The following ZNF536 variants were observed in gnomAD, a reference collection of about 807,000 sequenced individuals.
ZNF536 encodes the protein zinc finger protein 536.
In ZNF536, 13 loss-of-function variants were observed where a neutral mutation model predicts 84.5. That is an observed-to-expected ratio of 0.15 (90% CI 0.10 to 0.24). The LOEUF (loss-of-function observed/expected upper bound fraction) is 0.24. Among genes scored for constraint, ZNF536 ranks in the 10% least tolerant of loss-of-function variants. The pLI is 1.00. For synonymous variants in ZNF536, 811 were observed against 742.5 expected (o/e 1.09, Z -1.50); for missense variants, 1,536 against 1,747.5 (o/e 0.88, Z 2.16).
At chr19:30,600,943 T>C (rs1314014220) in intron 1 of ZNF536, among the ~76,000 whole-genome samples, 2 of 152,244 alleles carry the variant, frequency 1.3e-5, no homozygotes. Context: ...GTTGTTTTTG[T>C]TGTTAATTGA....
At chr19:30,663,326 AT>A (rs2050192539) in intron 1 of ZNF536, among the ~76,000 whole-genome samples, 1 of 152,044 alleles carries the variant, frequency 6.6e-6, no homozygotes. Context: ...AGCCCTTACT[AT>A]TTGCCCTTTA....
chr19:30,528,092 A>C (rs958322326), intron 2 of ZNF536, among the ~76,000 whole-genome samples: 3 of 152,214 alleles, frequency 2.0e-5, no homozygotes, highest in African/African-American at 7.2e-5. Context: ...AGCTCCATAG[A>C]AATTAAAATA....
intron 1 of ZNF536, among the ~76,000 whole-genome samples, chr19:30,565,366 G>T (rs1372099877): frequency 6.6e-6 from 1 of 152,084 alleles, no homozygotes; most frequent in Middle Eastern, 3.2e-3. Context: ...GGGAGACTTG[G>T]CCTGCTACCG....
chr19:30,389,260 C>A (rs1211498257), intron 1 of ZNF536, among the ~76,000 whole-genome samples: 1 of 152,134 alleles, frequency 6.6e-6, no homozygotes, highest in Non-Finnish European at 1.5e-5. Context: ...GGAAGGCCAA[C>A]CATGTGGTTG....
At position 30,350,572 on chromosome 19, in the gene ZNF536, A is replaced by G. The variant is rs8107552; in HGVS notation, c.-119-1796A>G. On this transcript the variant is annotated intron_variant, in intron 2 of 5. Coordinates refer to the ZNF536 transcript ENST00000585628. ...ATAGATTTATCTGCTTCTTTTTTCTATTTAAACAAATAGTCTTCAAGCCTG... is the reference window on the plus strand; with the variant it reads ...ATAGATTTATCTGCTTCTTTTTTCTGTTTAAACAAATAGTCTTCAAGCCTG... Among the ~76,000 whole-genome samples the G allele has an allele frequency of 5.1e-3, 780 of 152,332 alleles. 6 individuals are homozygous for G. Among genetic ancestry groups the G allele is most frequent in the African/African-American group, 0.017 (720 of 41,586 alleles).
chr19:30,287,569 TATGGATGG>T (rs1255229687), intron 2 of ZNF536, among the ~76,000 whole-genome samples: 1 of 79,984 alleles, frequency 1.3e-5, no homozygotes, highest in African/African-American at 5.1e-5. Flanking sequence ...TGAATGGGTA[TATGGATGG>T]ATGGATGGAT....
chr19:30,535,321 C>A (rs1223971718), intron 3 of ZNF536, among the ~76,000 whole-genome samples: 1 of 152,180 alleles, frequency 6.6e-6, no homozygotes, highest in African/African-American at 2.4e-5. Context: ...AGTCCCTCCC[C>A]AGGCGCCTGT....
At chr19:30,629,063 G>A (rs570966490) in intron 1 of ZNF536, among the ~76,000 whole-genome samples, 2 of 152,154 alleles carry the variant, frequency 1.3e-5, no homozygotes, top group Non-Finnish European at 2.9e-5. Context: ...GAGGAGACTG[G>A]ACCCTCTGCA....
At chr19:30,440,920 TAGATAGATAG>T (rs1458942419) in intron 1 of ZNF536, among the ~76,000 whole-genome samples, 1 of 151,330 alleles carries the variant, frequency 6.6e-6, no homozygotes, top group Admixed American at 6.6e-5. Flanking sequence ...GATAGATAGA[TAGATAGATAG>T]ATAGATAGAT....
intron 1 of ZNF536, among the ~76,000 whole-genome samples, chr19:30,596,469 G>GCAC (rs2047466871): frequency 6.6e-6 from 1 of 152,160 alleles, no homozygotes; most frequent in African/African-American, 2.4e-5. Flanking sequence ...CATTGGGGCA[G>GCAC]GTGTCTCCCC....
At chr19:30,703,176 G>T (rs2052063554) in intron 1 of ZNF536, among the ~76,000 whole-genome samples, 1 of 152,172 alleles carries the variant, frequency 6.6e-6, no homozygotes, top group African/African-American at 2.4e-5. Flanking sequence ...GATCAGGGAG[G>T]ATCGAGCAAA....
At chr19:30,234,397 CT>C (rs5827694) in intron 1 of ZNF536, among the ~76,000 whole-genome samples, 140 of 82,392 alleles carry the variant, frequency 1.7e-3, no homozygotes, top group African/African-American at 3.1e-3. Context: ...AGGCTCCTTC[CT>C]TTTTTTTTTT....
At chr19:30,427,760 T>C (rs2051278149) in intron 1 of ZNF536, among the ~76,000 whole-genome samples, 1 of 152,164 alleles carries the variant, frequency 6.6e-6, no homozygotes, top group Non-Finnish European at 1.5e-5. Context: ...TCAAGCATCA[T>C]GTGTAATGTC....
intron 1 of ZNF536, among the ~76,000 whole-genome samples, chr19:30,283,736 AGAGAGG>A (rs990901830): frequency 2.8e-5 from 4 of 141,744 alleles, no homozygotes; most frequent in African/African-American, 1.1e-4. Flanking sequence ...AGAAAGAGAG[AGAGAGG>A]GAGAGAGAGA....
intron 1 of ZNF536, among the ~76,000 whole-genome samples, chr19:30,398,266 C>A (rs2049901807): frequency 6.6e-6 from 1 of 152,184 alleles, no homozygotes; most frequent in South Asian, 2.1e-4. Context: ...GTTATATCCC[C>A]TCCGTGCCCC....
intron 2 of ZNF536, among the ~76,000 whole-genome samples, chr19:30,343,249 C>T (rs956299326): frequency 5.3e-5 from 8 of 152,170 alleles, no homozygotes; most frequent in African/African-American, 1.7e-4. Context: ...TAAACAGTGT[C>T]GGCTTCATAC....
chr19:30,362,038 ACTGC>A (rs2048291919), intron 3 of ZNF536, among the ~76,000 whole-genome samples: 1 of 136,582 alleles, frequency 7.3e-6, no homozygotes, highest in Non-Finnish European at 1.6e-5. Context: ...GTCCTACTGT[ACTGC>A]GGGTGTCTGT....
At chr19:30,301,041 G>T (rs953464902) in intron 2 of ZNF536, among the ~76,000 whole-genome samples, 2 of 152,186 alleles carry the variant, frequency 1.3e-5, no homozygotes, top group Non-Finnish European at 2.9e-5. Context: ...GATCATCAGG[G>T]GGTTGCCCCT....
intron 3 of ZNF536, among the ~76,000 whole-genome samples, chr19:30,355,633 G>A (rs934135385): frequency 2.6e-5 from 4 of 151,958 alleles, no homozygotes; most frequent in Non-Finnish European, 5.9e-5. Context: ...TAAACCAGGG[G>A]TCCCCAGCCT....
Sources: gnomAD v4.1 joint callset for allele counts (sites outside exome capture counted in the v4.1 genomes callset) on GRCh38, gnomAD v4.1.1 for gene constraint, MANE v1.5 for transcripts, NCBI Gene and HGNC (gene_info 2026-07-23, HGNC 2026-07-21) for gene names.